The following DLG1 variants were observed in gnomAD, a reference collection of about 807,000 sequenced individuals.
The protein encoded by DLG1 is disks large homolog 1.
A neutral mutation model predicts 123.4 loss-of-function variants in DLG1; 42 were observed. That is an observed-to-expected ratio of 0.34 (90% confidence interval 0.27 to 0.44). The LOEUF is 0.44. Among genes scored for constraint, DLG1 ranks in the 20% least tolerant of loss-of-function variants. DLG1 has a pLI of 1.00. For missense variants in DLG1, 942 were observed against 1,082.6 expected, an observed-to-expected ratio of 0.87 and a Z score of 1.82; for synonymous variants, 317 against 356.2, an observed-to-expected ratio of 0.89 and a Z score of 1.24.
intron 4 of DLG1, among the ~76,000 whole-genome samples, chr3:197,281,070 G>A (rs1002648549): frequency 2.1e-5 from 3 of 139,792 alleles, no homozygotes; most frequent in East Asian, 2.1e-4. Flanking sequence ...CGCCAGTCTC[G>A]CTTGTTGCCC....
At chr3:197,148,616 T>C (rs545846500) in intron 6 of DLG1, among the ~76,000 whole-genome samples, 1 of 152,266 alleles carries the variant, frequency 6.6e-6, no homozygotes, top group South Asian at 2.1e-4. Context: ...ACAGTGATGC[T>C]ATCCACATAC....
chr3:197,168,772 A>T (rs1004461041), intron 5 of DLG1, among the ~76,000 whole-genome samples: 2 of 152,032 alleles, frequency 1.3e-5, no homozygotes, highest in Non-Finnish European at 2.9e-5. Flanking sequence ...TTGTTGTTTT[A>T]AAAAAAATCT....
At chr3:197,238,424 C>T (rs1254698586) in intron 4 of DLG1, among the ~76,000 whole-genome samples, 1 of 152,074 alleles carries the variant, frequency 6.6e-6, no homozygotes, top group African/African-American at 2.4e-5. Context: ...TAAAAACTCA[C>T]AGCAAAGAAA....
At chr3:197,050,718 CAT>C (rs1434437253) in intron 24 of DLG1, among the ~76,000 whole-genome samples, 1 of 152,156 alleles carries the variant, frequency 6.6e-6, no homozygotes, top group African/African-American at 2.4e-5. Context: ...TCAGTTTTAA[CAT>C]GAGTAAATTC....
chr3:197,062,638 C>T (rs1429164297), intron 22 of DLG1, among the ~76,000 whole-genome samples: 1 of 152,122 alleles, frequency 6.6e-6, no homozygotes, highest in South Asian at 2.1e-4. Flanking sequence ...GCTTATCTCA[C>T]ACTTTTCCAG....
At chr3:197,289,391 C>T (rs1773752605) in intron 3 of DLG1, among the ~76,000 whole-genome samples, 2 of 151,640 alleles carry the variant, frequency 1.3e-5, no homozygotes, top group South Asian at 4.2e-4. Context: ...GGATATTCAT[C>T]CCATGGATGA....
chr3:197,211,445 A>C (rs1397485991), intron 4 of DLG1, among the ~76,000 whole-genome samples: 2 of 146,568 alleles, frequency 1.4e-5, no homozygotes, highest in African/African-American at 4.9e-5. Flanking sequence ...AAACCGCCAC[A>C]ATCAAGTAGG....
chr3:197,072,111 T>C (rs1744307228), intron 18 of DLG1, among the ~76,000 whole-genome samples: 1 of 152,224 alleles, frequency 6.6e-6, no homozygotes, highest in Non-Finnish European at 1.5e-5. Context: ...AATATGATTT[T>C]TGATGGTTAT....
intron 4 of DLG1, among the ~76,000 whole-genome samples, chr3:197,224,534 A>G (rs1161287932): frequency 1.3e-5 from 2 of 152,218 alleles, no homozygotes; most frequent in African/African-American, 4.8e-5. Context: ...TAAACAATGC[A>G]TATGAATTTT....
chr3:197,276,455 A>AT (rs1306741752), intron 4 of DLG1, among the ~76,000 whole-genome samples: 1 of 152,204 alleles, frequency 6.6e-6, no homozygotes, highest in African/African-American at 2.4e-5. Flanking sequence ...TGACAATCAA[A>AT]TTTGTTAAAA....
intron 4 of DLG1, among the ~76,000 whole-genome samples, chr3:197,234,971 A>G (rs1745189276): frequency 6.6e-6 from 1 of 152,200 alleles, no homozygotes; most frequent in Non-Finnish European, 1.5e-5. Context: ...AATAAACAAA[A>G]TATGAAAAAA....
intron 19 of DLG1, among the ~76,000 whole-genome samples, chr3:197,068,103 T>C (rs1741006641): frequency 1.3e-5 from 2 of 152,226 alleles, no homozygotes; most frequent in Admixed American, 1.3e-4. Context: ...AACATTCTTT[T>C]CTGTTTTAGA....
chr3:197,124,851 C>T (rs570853568), intron 11 of DLG1, among the ~76,000 whole-genome samples: 2 of 152,018 alleles, frequency 1.3e-5, no homozygotes, highest in Non-Finnish European at 2.9e-5. Flanking sequence ...GACTGTAGGA[C>T]GATCCCTCCT....
intron 5 of DLG1, among the ~76,000 whole-genome samples, chr3:197,175,901 G>A (rs1382413903): frequency 1.3e-5 from 2 of 152,106 alleles, no homozygotes; most frequent in African/African-American, 4.8e-5. Context: ...GATCCCATAA[G>A]CATGGTTCAG....
At chr3:197,220,698 A>G (rs1445131174) in intron 4 of DLG1, among the ~76,000 whole-genome samples, 1 of 152,196 alleles carries the variant, frequency 6.6e-6, no homozygotes, top group Non-Finnish European at 1.5e-5. Context: ...TTAATACACC[A>G]TCCTGAAAGA....
chr3:197,075,911 A>G, intron 18 of DLG1: 1 of 1,585,634 alleles, frequency 6.3e-7, no homozygotes, highest in South Asian at 1.1e-5. Context: ...ATAAAAAGAT[A>G]ATCAAAGAAA....
chr3:197,198,959 T>C (rs1724121122), intron 4 of DLG1, among the ~76,000 whole-genome samples: 1 of 152,196 alleles, frequency 6.6e-6, no homozygotes, highest in African/African-American at 2.4e-5. Flanking sequence ...CTTTCTGGGA[T>C]GATGAAAACC....
intron 22 of DLG1, among the ~76,000 whole-genome samples, chr3:197,062,763 T>C (rs1182089473): frequency 6.6e-6 from 1 of 152,188 alleles, no homozygotes; most frequent in East Asian, 1.9e-4. Flanking sequence ...TTCAGTGTTA[T>C]TTTTAGGTCT....
At chr3:197,137,730 G>A (rs578157743) in intron 9 of DLG1, among the ~76,000 whole-genome samples, 9 of 152,184 alleles carry the variant, frequency 5.9e-5, no homozygotes, top group South Asian at 4.1e-4. Flanking sequence ...AGCACTCTGC[G>A]GGGCTGAGGT....
Sources: allele counts gnomAD v4.1 joint callset (sites outside exome capture counted in the v4.1 genomes callset), GRCh38; gene constraint gnomAD v4.1.1; transcripts MANE v1.5; gene names NCBI Gene and HGNC (gene_info 2026-07-23, HGNC 2026-07-21).